The following PLXNA4 variants were observed in gnomAD, a reference collection of about 807,000 sequenced individuals.
The protein encoded by PLXNA4 is plexin A4, also known as plexin-A4.
Under a neutral mutation model 191.8 loss-of-function variants are expected in PLXNA4, and 44 were observed. That is an observed-to-expected ratio of 0.23 (90% CI 0.18 to 0.29). PLXNA4 has a LOEUF of 0.29. Ranked by LOEUF, PLXNA4 falls within the 10% of genes least tolerant of loss-of-function variation. The pLI is 1.00. For missense variants in PLXNA4, 1,800 were observed against 2,488.8 expected (o/e 0.72, Z 5.89); for synonymous variants, 1,082 against 1,009.5 (o/e 1.07, Z -1.36).
chr7:132,366,597 T>C (rs1305019114), intron 3 of PLXNA4, among the ~76,000 whole-genome samples: 2 of 152,118 alleles, frequency 1.3e-5, no homozygotes, highest in African/African-American at 4.8e-5. Context: ...GTAGGGGCTT[T>C]TGGGAAATCA....
chr7:132,147,721 A>G (rs1312141694), intron 27 of PLXNA4, among the ~76,000 whole-genome samples, 179 bp downstream of exon 27: 1 of 152,192 alleles, frequency 6.6e-6, no homozygotes, highest in Non-Finnish European at 1.5e-5. Flanking sequence ...CTTATGCATC[A>G]GAGTGCCCGA....
chr7:132,474,374 A>C lies in PLXNA4; in HGVS notation c.1371+14918T>G, dbSNP rs113247352. ...ATTTTTTTCTGTAGTTCTTTTAATT[A>C]AAAGTGAGCTCATAAATCAAAGCCC... On this transcript the variant is annotated intron_variant, in intron 3 of 31. Transcript: ENST00000321063. Among the ~76,000 whole-genome samples, 419 of 152,236 alleles carry C rather than the reference A, an allele frequency of 2.8e-3. 2 individuals are homozygous for C. The highest frequency in any genetic ancestry group is 4.4e-3 in the Non-Finnish European group (298 of 68,028).
At chr7:132,250,674 C>A (rs10263746) in intron 4 of PLXNA4, among the ~76,000 whole-genome samples, 46,267 of 151,976 alleles carry the variant, frequency 0.3, 7,548 homozygotes, top group African/African-American at 0.42. Flanking sequence ...CCAGAGCAAC[C>A]CCTCCAACAT....
chr7:132,483,023 C>CT (rs1797400448), intron 3 of PLXNA4, among the ~76,000 whole-genome samples: 1 of 152,136 alleles, frequency 6.6e-6, no homozygotes, highest in Non-Finnish European at 1.5e-5. Context: ...ACCATGGATG[C>CT]TTCTATGAGA....
At chr7:132,426,443 G>C (rs1795050629) in intron 3 of PLXNA4, among the ~76,000 whole-genome samples, 2 of 152,200 alleles carry the variant, frequency 1.3e-5, no homozygotes, top group Admixed American at 1.3e-4. Context: ...CCCAACCCTA[G>C]CTCAGTGTCA....
intron 3 of PLXNA4, among the ~76,000 whole-genome samples, chr7:132,481,759 A>G (rs1797346444): frequency 6.6e-6 from 1 of 152,132 alleles, no homozygotes; most frequent in Admixed American, 6.5e-5. Flanking sequence ...GCAGCTACTG[A>G]TTCAAAATCT....
chr7:132,438,260 A>T (rs1014192603), intron 3 of PLXNA4, among the ~76,000 whole-genome samples: 10 of 152,226 alleles, frequency 6.6e-5, no homozygotes, highest in African/African-American at 2.4e-4. Flanking sequence ...GTCCTCATCT[A>T]TGAGGTGTAG....
intron 3 of PLXNA4, among the ~76,000 whole-genome samples, chr7:132,435,878 A>G (rs1323284927): frequency 2.0e-5 from 3 of 152,208 alleles, no homozygotes; most frequent in African/African-American, 7.2e-5. Context: ...GGCAAAGGCC[A>G]GGGTCAGCAG....
At chr7:132,238,522 T>A (rs1158416418) in intron 5 of PLXNA4, among the ~76,000 whole-genome samples, 1 of 152,168 alleles carries the variant, frequency 6.6e-6, no homozygotes, top group Non-Finnish European at 1.5e-5. Context: ...CTGTGGCTCC[T>A]TGAGCAACGA....
intron 3 of PLXNA4, among the ~76,000 whole-genome samples, chr7:132,433,280 C>G (rs1465258231): frequency 6.6e-6 from 1 of 152,218 alleles, no homozygotes; most frequent in Non-Finnish European, 1.5e-5. Flanking sequence ...TTGATGTCAC[C>G]TTTTGTCACA....
At chr7:132,399,393 C>T (rs765363219) in intron 3 of PLXNA4, among the ~76,000 whole-genome samples, 2 of 152,170 alleles carry the variant, frequency 1.3e-5, no homozygotes, top group Non-Finnish European at 2.9e-5. Flanking sequence ...CACTGTTCCA[C>T]GCTCTTTATA....
chr7:132,213,384 T>C (rs918461517), intron 9 of PLXNA4, among the ~76,000 whole-genome samples: 9 of 152,162 alleles, frequency 5.9e-5, no homozygotes, highest in African/African-American at 2.2e-4. Flanking sequence ...GATATGTGTA[T>C]TTTGCCACAA....
intron 5 of PLXNA4, among the ~76,000 whole-genome samples, chr7:132,236,036 A>G (rs771103274): frequency 3.9e-5 from 6 of 152,148 alleles, no homozygotes; most frequent in Non-Finnish European, 5.9e-5. Context: ...TGCAAAAGAG[A>G]GCAACTGAGT....
chr7:132,154,843 G>T (rs946010447), intron 25 of PLXNA4, among the ~76,000 whole-genome samples: 2 of 152,158 alleles, frequency 1.3e-5, no homozygotes, highest in Non-Finnish European at 2.9e-5. Context: ...CCCTGCTCCA[G>T]GCACCAAGCA....
intron 3 of PLXNA4, chr7:132,484,963 C>T: frequency 6.2e-7 from 1 of 1,614,154 alleles, no homozygotes. Context: ...GGTCTCCCTC[C>T]ACTCCAATCC....
intron 4 of PLXNA4, among the ~76,000 whole-genome samples, chr7:132,242,041 A>G (rs1798895570): frequency 6.6e-6 from 1 of 152,212 alleles, no homozygotes; most frequent in African/African-American, 2.4e-5. Context: ...AGCACTTGCT[A>G]CATAGTAGGT....
At chr7:132,462,836 A>ATTTTTTTTTTTTTTTTTTTT (rs57607720) in intron 3 of PLXNA4, among the ~76,000 whole-genome samples, 1 of 88,946 alleles carries the variant, frequency 1.1e-5, no homozygotes, top group Non-Finnish European at 2.1e-5. Context: ...CATTTCTATA[A>ATTTTTTTTTTTTTTTTTTTT]TTTTTTTTTT....
intron 12 of PLXNA4, among the ~76,000 whole-genome samples, chr7:132,201,022 G>C (rs889457939): frequency 2.6e-4 from 40 of 152,214 alleles, no homozygotes; most frequent in Admixed American, 9.2e-4. Flanking sequence ...TGAAGACAGG[G>C]TCTTTGGAGA....
At chr7:132,142,987 G>T (rs1243323509) in intron 29 of PLXNA4, among the ~76,000 whole-genome samples, 1 of 152,094 alleles carries the variant, frequency 6.6e-6, no homozygotes, top group Non-Finnish European at 1.5e-5. Context: ...CCCGCCTAAT[G>T]AAATATTAGC....
Sources: gnomAD v4.1 joint callset for allele counts (sites outside exome capture counted in the v4.1 genomes callset) on GRCh38, gnomAD v4.1.1 for gene constraint, MANE v1.5 for transcripts, NCBI Gene and HGNC (gene_info 2026-07-23, HGNC 2026-07-21) for gene names.